ARL13B: variants seen among roughly 807,000 people sequenced by gnomAD.
ARL13B encodes ARF like GTPase 13B, also known as ADP-ribosylation factor-like protein 13B.
Under a neutral mutation model 56.1 loss-of-function variants are expected in ARL13B, and 36 were observed. That is an observed-to-expected ratio of 0.64 (90% CI 0.49 to 0.85). ARL13B has a LOEUF of 0.85. ARL13B is among the 40% of genes least tolerant of loss of function. The pLI, the probability that ARL13B is intolerant of heterozygous loss-of-function variation, is 0.00. For missense variants in ARL13B, 519 were observed against 507.1 expected, an observed-to-expected ratio of 1.02 and a Z score of -0.23; for synonymous variants, 178 against 171.1, an observed-to-expected ratio of 1.04 and a Z score of -0.32.
intron 7 of ARL13B, among the ~76,000 whole-genome samples, chr3:94,044,129 G>A (rs960527708): frequency 2.0e-5 from 3 of 151,962 alleles, no homozygotes; most frequent in African/African-American, 7.2e-5. Flanking sequence ...CGTCTGGGAT[G>A]TGAGGAGCCC....
chr3:94,048,417 A>G (rs1315899124), intron 7 of ARL13B, among the ~76,000 whole-genome samples: 5 of 152,368 alleles, frequency 3.3e-5, no homozygotes, highest in Middle Eastern at 3.4e-3. Flanking sequence ...AAATTTATAC[A>G]TTAACATAGA....
rs547312681 is a variant in ARL13B at position 93,987,562 on chromosome 3, A to T, written c.59+7080A>T. Among the ~76,000 whole-genome samples the T allele has an allele frequency of 1.2e-3, 184 of 151,966 alleles. No homozygotes were observed. In the Middle Eastern group the frequency reaches 0.017, roughly 14 times the overall value. Reference sequence around the variant, plus strand: ...TTCAGTTTTTTCTTTTGTAATGGAGATTTTATTTGTCGTGTTGAGAATAAG... The same window carrying T: ...TTCAGTTTTTTCTTTTGTAATGGAGTTTTTATTTGTCGTGTTGAGAATAAG... On this transcript the variant is annotated intron_variant, in intron 1 of 9. Coordinates refer to ENST00000394222, the MANE Select transcript of ARL13B (RefSeq NM_001174150.2).
chr3:94,053,651 A>G lies in ARL13B; in HGVS notation c.*388A>G, dbSNP rs2077101127. 2.5e-6 allele frequency: 1 copy of G among 402,866 alleles called. No individual in the cohort carries two copies. Among genetic ancestry groups the G allele is most frequent in the African/African-American group, 2.1e-5 (1 of 48,470 alleles). 25.0% of individuals were successfully genotyped at this position (402,866 alleles called of 1,614,324 possible). ...CTAGATATTAAATATTTTTTGTAAG[A>G]TATATGCACATAGAAGGGGGACTTC... On this transcript the variant is annotated 3_prime_UTR_variant, in exon 10 of 10. Coordinates refer to ENST00000394222, the MANE Select transcript of ARL13B (RefSeq NM_001174150.2).
intron 8 of ARL13B, among the ~76,000 whole-genome samples, chr3:94,050,023 G>T (rs1042711644): frequency 1.3e-5 from 2 of 151,362 alleles, no homozygotes; most frequent in Non-Finnish European, 2.9e-5. Context: ...AATTAGCTGG[G>T]CGTAGTAGCA....
chr3:93,985,906 T>C (rs553674456), intron 1 of ARL13B, among the ~76,000 whole-genome samples: 4 of 152,210 alleles, frequency 2.6e-5, no homozygotes, highest in Non-Finnish European at 5.9e-5. Flanking sequence ...ACAATGTTTC[T>C]AGTGGTCTGT....
chr3:94,048,400 C>T (rs1356344184), intron 7 of ARL13B, among the ~76,000 whole-genome samples: 1 of 152,052 alleles, frequency 6.6e-6, no homozygotes. Context: ...CCTAATTTAC[C>T]TTACTAAAAT....
chr3:93,986,291 G>A (rs1321072051), intron 1 of ARL13B, among the ~76,000 whole-genome samples: 1 of 152,086 alleles, frequency 6.6e-6, no homozygotes, highest in Non-Finnish European at 1.5e-5. Context: ...ACCCAAGCTT[G>A]GCCTTCTCAC....
intron 5 of ARL13B, among the ~76,000 whole-genome samples, chr3:94,038,820 C>T (rs953028463): frequency 2.2e-4 from 33 of 152,040 alleles, no homozygotes; most frequent in Non-Finnish European, 1.9e-4. Context: ...CGCACCCGGC[C>T]GGCTGCTCAT....
chr3:94,032,012 A>G (rs1315801336), intron 3 of ARL13B, among the ~76,000 whole-genome samples: 1 of 152,212 alleles, frequency 6.6e-6, no homozygotes, highest in Non-Finnish European at 1.5e-5. Flanking sequence ...GTCTAGGCAA[A>G]TAATTCATGA....
At chr3:94,044,253 C>T (rs1250816701) in intron 7 of ARL13B, among the ~76,000 whole-genome samples, 4 of 149,890 alleles carry the variant, frequency 2.7e-5, no homozygotes, top group Non-Finnish European at 4.4e-5. Flanking sequence ...ATGTGAGGAG[C>T]GCCCCTGGCC....
At chr3:93,980,570 G>C (rs1182395896) in intron 1 of ARL13B, 88 bp downstream of exon 1, 9 of 1,541,488 alleles carry the variant, frequency 5.8e-6, no homozygotes, top group Non-Finnish European at 8.8e-7. Flanking sequence ...CCCGCGCCTG[G>C]ACGAGTCTAT....
intron 1 of ARL13B, among the ~76,000 whole-genome samples, chr3:93,992,557 A>G (rs1175767819): frequency 1.3e-5 from 2 of 152,154 alleles, no homozygotes; most frequent in South Asian, 2.1e-4. Flanking sequence ...TTTGTTTGCT[A>G]CTATGTAATG....
chr3:93,981,747 G>A (rs1710226263), intron 1 of ARL13B, among the ~76,000 whole-genome samples: 1 of 151,018 alleles, frequency 6.6e-6, no homozygotes, highest in Non-Finnish European at 1.5e-5. Context: ...GGTGACGCAC[G>A]CCTGTAGTCC....
intron 8 of ARL13B, among the ~76,000 whole-genome samples, chr3:94,050,407 A>G (rs977999675): frequency 5.9e-5 from 9 of 152,232 alleles, no homozygotes; most frequent in Middle Eastern, 3.4e-3. Context: ...ATATGTAATG[A>G]CTAGATAAAT....
intron 3 of ARL13B, among the ~76,000 whole-genome samples, chr3:94,026,794 G>T (rs974255565): frequency 6.6e-6 from 1 of 152,058 alleles, no homozygotes; most frequent in Non-Finnish European, 1.5e-5. Context: ...TGTTTAACTT[G>T]CAGCATTGCT....
chr3:94,055,643 C>T lies in ARL13B; in HGVS notation c.*2380C>T, dbSNP rs1399379886. Reference sequence around the variant, plus strand: ...GTAGTATACATGATATTGTATGTAACTGACTTCAAATATAAAACTATGCAT... The same window carrying T: ...GTAGTATACATGATATTGTATGTAATTGACTTCAAATATAAAACTATGCAT... On this transcript the variant is annotated 3_prime_UTR_variant, in exon 10 of 10. Transcript: ENST00000394222. The T allele has an allele frequency of 4.4e-6, 2 of 452,940 alleles. No individual in the cohort carries two copies. The highest frequency in any genetic ancestry group is 2.4e-5 in the Admixed American group (1 of 42,488). The allele number at this position is 452,940 out of a possible 1,614,324, so 28.1% of individuals were successfully genotyped here.
chr3:94,001,825 A>G (rs777120358), intron 2 of ARL13B, among the ~76,000 whole-genome samples: 7 of 152,190 alleles, frequency 4.6e-5, no homozygotes, highest in Non-Finnish European at 7.3e-5. Flanking sequence ...ATACTGAAAG[A>G]CAGCTGCCTA....
intron 3 of ARL13B, among the ~76,000 whole-genome samples, chr3:94,025,831 C>T (rs2076544623): frequency 6.6e-6 from 1 of 152,128 alleles, no homozygotes; most frequent in Non-Finnish European, 1.5e-5. Context: ...TCTTTGTATA[C>T]AGATTATGTT....
At chr3:93,987,177 G>A (rs113762030) in intron 1 of ARL13B, among the ~76,000 whole-genome samples, 10 of 149,768 alleles carry the variant, frequency 6.7e-5, no homozygotes, top group African/African-American at 2.5e-4. Context: ...TTTTTAAATA[G>A]AGACAGGATC....
Sources: allele counts gnomAD v4.1 joint callset (sites outside exome capture counted in the v4.1 genomes callset), GRCh38; gene constraint gnomAD v4.1.1; transcripts MANE v1.5; gene names NCBI Gene and HGNC (gene_info 2026-07-23, HGNC 2026-07-21).